Variants in ENOPH1 observed in about 807,000 individuals in gnomAD.
ENOPH1 encodes enolase-phosphatase E1.
A neutral mutation model predicts 31.1 loss-of-function variants in ENOPH1; 14 were observed. That is an observed-to-expected ratio of 0.45 (90% CI 0.30 to 0.70). The LOEUF (loss-of-function observed/expected upper bound fraction) is 0.70, where lower values mean the gene tolerates loss of function less well. Ranked by LOEUF, ENOPH1 falls within the 30% of genes least tolerant of loss-of-function variation. The pLI is 0.09. For synonymous variants in ENOPH1, 127 were observed against 123.2 expected, an observed-to-expected ratio of 1.03 and a Z score of -0.21; for missense variants, 243 against 321.5, an observed-to-expected ratio of 0.76 and a Z score of 1.87.
In ENOPH1 at chr4:82,430,707, C is replaced by T; in HGVS notation, c.-123C>T. On this transcript the variant is annotated 5_prime_UTR_variant, in exon 1 of 6. Transcript: ENST00000273920. ...ACGCGCGGCGGGCTGCACTTGGTCG[C>T]TGGCTCCGAGATCGCGCGGGGCCGC... The T allele has an allele frequency of 1.2e-6, 1 of 852,796 alleles. No individual in the cohort carries two copies. Among genetic ancestry groups the T allele is most frequent in the Non-Finnish European group, 1.9e-6 (1 of 539,168 alleles). The allele number at this position is 852,796 out of a possible 1,614,324, so 52.8% of individuals were successfully genotyped here. A position where few individuals can be genotyped will look rare whatever the true frequency, so the allele number is the denominator to read the frequency against.
In ENOPH1 at chr4:82,460,933, T is replaced by C. The variant is rs551047867; in HGVS notation, c.*813T>C. The stretch of plus-strand genomic sequence containing the variant: ...ATTTAAAAAGTTTTACTGAAATCAG[T>C]CCATAACATTAAGATGAGCCCTAAT... On this transcript the variant is annotated 3_prime_UTR_variant, in exon 6 of 6. Transcript: ENST00000273920. 2 of 152,352 alleles carry C rather than the reference T, an allele frequency of 1.3e-5. No homozygotes were observed. The highest frequency in any genetic ancestry group is 3.9e-4 in the East Asian group (2 of 5,192). 9.4% of individuals were successfully genotyped at this position (152,352 alleles called of 1,614,324 possible). A position where few individuals can be genotyped will look rare whatever the true frequency, so the allele number is the denominator to read the frequency against.
intron 1 of ENOPH1, among the ~76,000 whole-genome samples, chr4:82,438,004 A>C (rs1023726063): frequency 6.6e-6 from 1 of 152,224 alleles, no homozygotes; most frequent in South Asian, 2.1e-4. Flanking sequence ...TCCAAAACCT[A>C]CAAGTTATAG....
intron 4 of ENOPH1, among the ~76,000 whole-genome samples, chr4:82,456,398 G>A (rs1047942147): frequency 7.2e-5 from 11 of 152,022 alleles, no homozygotes; most frequent in African/African-American, 2.7e-4. Flanking sequence ...GACTCCAATT[G>A]TTTCCAAGAG....
chr4:82,447,272 C>A (rs564089676), intron 1 of ENOPH1, among the ~76,000 whole-genome samples: 13 of 152,314 alleles, frequency 8.5e-5, no homozygotes, highest in African/African-American at 2.4e-4. Context: ...AAGTGTGAGC[C>A]ACCATGCCCA....
intron 1 of ENOPH1, among the ~76,000 whole-genome samples, chr4:82,439,873 T>C (rs1418708824): frequency 6.6e-6 from 1 of 152,178 alleles, no homozygotes; most frequent in Admixed American, 6.5e-5. Context: ...CTAAGGTTTT[T>C]GGCCTGAGCA....
At chr4:82,445,210 C>G (rs1722145166) in intron 1 of ENOPH1, among the ~76,000 whole-genome samples, 1 of 151,744 alleles carries the variant, frequency 6.6e-6, no homozygotes, top group East Asian at 1.9e-4. Flanking sequence ...GCCTGAGTGA[C>G]AGATCAAGAC....
At position 82,436,034 on chromosome 4, in the gene ENOPH1, A is replaced by G. The variant is rs1159906644; in HGVS notation, c.84+5121A>G. ...GGAAATAGAAAGTGCTTATGAAGGA[A>G]GGATTGATAAGGAAAAGAGGGATCT... On this transcript the variant is annotated intron_variant, in intron 1 of 5. Transcript: ENST00000273920. Among the ~76,000 whole-genome samples the G allele has an allele frequency of 2.0e-5, 3 of 152,226 alleles. No individual in the cohort carries two copies. In the East Asian group the frequency reaches 5.8e-4, roughly 29 times the overall value.
intron 1 of ENOPH1, among the ~76,000 whole-genome samples, chr4:82,442,547 G>A (rs114850402): frequency 0.01 from 1,555 of 150,996 alleles, 27 homozygotes; most frequent in African/African-American, 0.035. Context: ...AAACACTGTC[G>A]GCAATCTATG....
chr4:82,438,975 G>C (rs765382449), intron 1 of ENOPH1, among the ~76,000 whole-genome samples: 2 of 152,194 alleles, frequency 1.3e-5, no homozygotes, highest in Non-Finnish European at 2.9e-5. Context: ...TGTTGGAGGT[G>C]CAGGTCAGAA....
intron 4 of ENOPH1, among the ~76,000 whole-genome samples, chr4:82,455,740 C>T (rs534575495): frequency 1.2e-4 from 18 of 151,612 alleles, no homozygotes; most frequent in African/African-American, 4.1e-4. Context: ...GAGCTGAGAT[C>T]GTGCCACTGC....
At chr4:82,431,293 T>TGGCAGC (rs1721751077) in intron 1 of ENOPH1, among the ~76,000 whole-genome samples, 1 of 152,226 alleles carries the variant, frequency 6.6e-6, no homozygotes, top group Admixed American at 6.5e-5. Flanking sequence ...GGGCCTGGTG[T>TGGCAGC]GGCAGCGGCA....
intron 1 of ENOPH1, among the ~76,000 whole-genome samples, chr4:82,437,694 C>A (rs1272367949): frequency 6.6e-6 from 1 of 152,212 alleles, no homozygotes; most frequent in Admixed American, 6.5e-5. Flanking sequence ...GTATTTGCTA[C>A]TGGAGCCAAT....
intron 4 of ENOPH1, 100 bp downstream of exon 4, chr4:82,454,954 T>G: frequency 2.5e-6 from 3 of 1,200,328 alleles, no homozygotes; most frequent in Non-Finnish European, 3.5e-6. Context: ...GCTTTTTTTT[T>G]TTTGGTTGTT....
At chr4:82,437,186 A>G (rs768091150) in intron 1 of ENOPH1, among the ~76,000 whole-genome samples, 2 of 152,172 alleles carry the variant, frequency 1.3e-5, no homozygotes, top group Non-Finnish European at 2.9e-5. Context: ...TTTCCAGCCT[A>G]ATCAATCCTT....
chr4:82,436,686 CAAAAA>C (rs35557585), intron 1 of ENOPH1, among the ~76,000 whole-genome samples: 2 of 110,840 alleles, frequency 1.8e-5, no homozygotes, highest in African/African-American at 3.2e-5. Context: ...GACCCTGTCT[CAAAAA>C]AAAAAAAAAA....
chr4:82,451,269 C>T (rs1295454789), intron 3 of ENOPH1, 24 bp downstream of exon 3: 1 of 1,607,946 alleles, frequency 6.2e-7, no homozygotes, highest in Non-Finnish European at 8.5e-7. Flanking sequence ...TCAGCCTAAA[C>T]ATTTCACCAG....
intron 1 of ENOPH1, among the ~76,000 whole-genome samples, chr4:82,432,769 A>T (rs1721806070): frequency 6.6e-6 from 1 of 152,112 alleles, no homozygotes; most frequent in African/African-American, 2.4e-5. Flanking sequence ...CCTTCCGAGT[A>T]GCTGAGATTA....
Position 82,442,109 on chromosome 4 carries a change from C to T in ENOPH1, c.85-5811C>T, listed in dbSNP as rs1722056042. 3.3e-5 allele frequency among the ~76,000 whole-genome samples: 5 copies of T among 152,218 alleles called. No homozygotes were observed. The South Asian group carries it at 1.0e-3, about 31-fold the overall frequency. ...GGAATTTGGATTTTGCTAAATTCTT[C>T]AGTCATTCTGCCTCAGATAACTAGC... On this transcript the variant is annotated intron_variant, in intron 1 of 5. Coordinates refer to ENST00000273920, the MANE Select transcript of ENOPH1 (RefSeq NM_021204.5).
intron 1 of ENOPH1, among the ~76,000 whole-genome samples, chr4:82,432,130 A>G (rs1721786462): frequency 6.6e-6 from 1 of 152,090 alleles, no homozygotes; most frequent in South Asian, 2.1e-4. Context: ...TGCCCAGGCT[A>G]GTCTGGAATT....
Sources: allele counts gnomAD v4.1 joint callset (sites outside exome capture counted in the v4.1 genomes callset), GRCh38; gene constraint gnomAD v4.1.1; transcripts MANE v1.5; gene names NCBI Gene and HGNC (gene_info 2026-07-23, HGNC 2026-07-21).